Variants in PLCB1 observed in about 807,000 individuals in gnomAD.
The protein encoded by PLCB1 is phospholipase C beta 1.
A neutral mutation model predicts 161.8 loss-of-function variants in PLCB1; 46 were observed. That is an observed-to-expected ratio of 0.28 (90% CI 0.22 to 0.36). The LOEUF (loss-of-function observed/expected upper bound fraction) is 0.36. Among genes scored for constraint, PLCB1 ranks in the 10% least tolerant of loss-of-function variants. The probability of loss-of-function intolerance (pLI) is 1.00; values close to 1 mark genes in which losing one functional copy is unlikely to be tolerated. For missense variants in PLCB1, 1,016 were observed against 1,472.5 expected, an observed-to-expected ratio of 0.69 and a Z score of 5.07; for synonymous variants, 517 against 503.7, an observed-to-expected ratio of 1.03 and a Z score of -0.35.
chr20:8,676,107 C>T (rs185547519), intron 9 of PLCB1, among the ~76,000 whole-genome samples: 16 of 152,342 alleles, frequency 1.1e-4, no homozygotes, highest in African/African-American at 2.4e-4. Flanking sequence ...CGGCGGCTCC[C>T]GCCTGCGATG....
At chr20:8,802,217 T>C in intron 31 of PLCB1, 1 of 993,168 alleles carries the variant, frequency 1.0e-6, no homozygotes, top group Non-Finnish European at 1.6e-6. Context: ...AAGGGTGGTG[T>C]GTAGCCATCC....
At chr20:8,226,797 C>T (rs1009810665) in intron 2 of PLCB1, among the ~76,000 whole-genome samples, 16 of 151,650 alleles carry the variant, frequency 1.1e-4, no homozygotes, top group African/African-American at 3.6e-4. Flanking sequence ...CAGTGATTCT[C>T]CTGCATCAGC....
chr20:8,352,422 G>A (rs913016119), intron 2 of PLCB1, among the ~76,000 whole-genome samples: 3 of 151,946 alleles, frequency 2.0e-5, no homozygotes, highest in Non-Finnish European at 2.9e-5. Flanking sequence ...GCACGTATGA[G>A]GTACTATGCA....
intron 2 of PLCB1, among the ~76,000 whole-genome samples, chr20:8,316,839 G>A (rs1984681014): frequency 6.6e-6 from 1 of 152,010 alleles, no homozygotes; most frequent in Admixed American, 6.6e-5. Context: ...AGTCCCTTTT[G>A]GGGATCATAG....
chr20:8,176,879 T>C (rs1455960243), intron 2 of PLCB1, among the ~76,000 whole-genome samples: 2 of 152,170 alleles, frequency 1.3e-5, no homozygotes, highest in South Asian at 4.1e-4. Flanking sequence ...GGACTCTCAG[T>C]ATTAGCCTTG....
intron 31 of PLCB1, among the ~76,000 whole-genome samples, chr20:8,855,016 G>A (rs961033299): frequency 6.6e-5 from 10 of 152,156 alleles, no homozygotes; most frequent in African/African-American, 2.2e-4. Flanking sequence ...AATTTTAAAC[G>A]ATGTATGCAC....
At chr20:8,406,163 G>T (rs1978779220) in intron 3 of PLCB1, among the ~76,000 whole-genome samples, 1 of 152,108 alleles carries the variant, frequency 6.6e-6, no homozygotes, top group Non-Finnish European at 1.5e-5. Context: ...GTGTTCTATG[G>T]CTTTGATGGA....
Position 8,300,285 on chromosome 20 carries a change from C to T in PLCB1, c.178-71097C>T, listed in dbSNP as rs903216284. ...GTTACATCTTCTAATATTCCATTGG[C>T]GGAAACAAATCACATTTCTTAGCTT... On this transcript the variant is annotated intron_variant, in intron 2 of 31. Coordinates refer to ENST00000338037, the MANE Select transcript of PLCB1 (RefSeq NM_015192.4). Among the ~76,000 whole-genome samples, 9 of 152,276 alleles carry T rather than the reference C, an allele frequency of 5.9e-5. No homozygotes were observed. In the East Asian group the frequency reaches 1.4e-3, roughly 23 times the overall value.
chr20:8,648,133 C>T (rs1300120023), intron 6 of PLCB1, among the ~76,000 whole-genome samples, 180 bp downstream of exon 6: 3 of 152,122 alleles, frequency 2.0e-5, no homozygotes, highest in South Asian at 2.1e-4. Context: ...GACGTCTCCC[C>T]GGGGCTTCCC....
intron 3 of PLCB1, among the ~76,000 whole-genome samples, chr20:8,435,372 AG>A (rs1980253424): frequency 6.6e-6 from 1 of 152,220 alleles, no homozygotes; most frequent in African/African-American, 2.4e-5. Context: ...GGGATTTTGC[AG>A]CTATAATTAA....
At chr20:8,492,805 T>C in intron 3 of PLCB1, among the ~76,000 whole-genome samples, 1 of 151,538 alleles carries the variant, frequency 6.6e-6, no homozygotes, top group East Asian at 2.0e-4. Context: ...AAATTTGTTT[T>C]CATGACTCAA....
chr20:8,827,627 A>G (rs531768410), intron 31 of PLCB1, among the ~76,000 whole-genome samples: 53 of 152,346 alleles, frequency 3.5e-4, no homozygotes, highest in African/African-American at 1.3e-3. Flanking sequence ...TGGCTGTGGT[A>G]TTGGACAGTG....
At chr20:8,273,133 T>G (rs1982367060) in intron 2 of PLCB1, among the ~76,000 whole-genome samples, 2 of 152,072 alleles carry the variant, frequency 1.3e-5, no homozygotes, top group African/African-American at 4.8e-5. Flanking sequence ...CATGAGAAAA[T>G]TTGTTTCAAA....
intron 3 of PLCB1, among the ~76,000 whole-genome samples, chr20:8,392,633 A>C (rs531939817): frequency 4.9e-4 from 75 of 152,320 alleles, no homozygotes; most frequent in African/African-American, 1.8e-3. Context: ...AATGATATAC[A>C]TCTCTCAAAT....
chr20:8,727,470 T>C, intron 17 of PLCB1, 77 bp downstream of exon 17: 1 of 842,362 alleles, frequency 1.2e-6, no homozygotes. Context: ...GGTTTTTTAA[T>C]AAGGAGAAAG....
At chr20:8,154,698 A>G (rs1415212701) in intron 2 of PLCB1, among the ~76,000 whole-genome samples, 2 of 152,182 alleles carry the variant, frequency 1.3e-5, no homozygotes, top group African/African-American at 4.8e-5. Flanking sequence ...TAAACTGTGT[A>G]TATTATCATA....
intron 2 of PLCB1, among the ~76,000 whole-genome samples, chr20:8,243,634 C>T (rs1335406381): frequency 2.0e-5 from 3 of 151,880 alleles, no homozygotes; most frequent in African/African-American, 7.2e-5. Flanking sequence ...GATTTACAAG[C>T]ACTTTAATTC....
In PLCB1 at chr20:8,132,682, T is replaced by G. The variant is rs759794686; in HGVS notation, c.31T>G (p.Leu11Val). The G allele has an allele frequency of 6.3e-5, 101 of 1,612,646 alleles. No homozygotes were observed. The highest frequency in any genetic ancestry group is 8.2e-5 in the Non-Finnish European group (97 of 1,179,298). Reference protein sequence around the residue: MAGAQPGVHALQLKPVCVSDS... With the variant: MAGAQPGVHAVQLKPVCVSDS... Reference sequence around the variant, plus strand: ...CGGGGCTCAACCCGGAGTGCACGCCTTGCAACTCAAGCCCGTGTGCGTGTC... The same window carrying G: ...CGGGGCTCAACCCGGAGTGCACGCCGTGCAACTCAAGCCCGTGTGCGTGTC... Residue 11 changes from leucine (L) to valine (V), a missense_variant, in exon 1 of 32, where the codon TTG (leucine) becomes GTG (valine). Transcript: ENST00000338037. This position sits in a 1 kb window ranked among gnomAD's most constrained non-coding sequence, Gnocchi z 5.2.
chr20:8,507,083 ATAAAG>A (rs1983667131), intron 3 of PLCB1, among the ~76,000 whole-genome samples: 1 of 152,170 alleles, frequency 6.6e-6, no homozygotes, highest in South Asian at 2.1e-4. Flanking sequence ...TATTCTTACA[ATAAAG>A]TAAGGTAGAG....
Sources: allele counts gnomAD v4.1 joint callset (sites outside exome capture counted in the v4.1 genomes callset), GRCh38; gene constraint gnomAD v4.1.1; non-coding constraint Gnocchi (gnomAD v3.1); transcripts MANE v1.5; gene names NCBI Gene and HGNC (gene_info 2026-07-23, HGNC 2026-07-21).